The following TPRG1 variants were observed in gnomAD, a reference collection of about 807,000 sequenced individuals.
TPRG1 encodes tumor protein p63-regulated gene 1 protein.
In TPRG1, 29 loss-of-function variants were observed where a neutral mutation model predicts 29.3. The ratio of observed to expected loss-of-function variants is 0.99; its 90% CI spans 0.74 to 1.35. TPRG1 has a LOEUF of 1.35. Ranked by LOEUF, TPRG1 falls within the 40% of genes most tolerant of loss-of-function variation. TPRG1 has a pLI of 0.00. For synonymous variants in TPRG1, 130 were observed against 116.8 expected, an observed-to-expected ratio of 1.11 and a Z score of -0.73; for missense variants, 327 against 335.0, an observed-to-expected ratio of 0.98 and a Z score of 0.19.
chr3:189,048,501 TGA>T (rs1715108577), intron 4 of TPRG1, among the ~76,000 whole-genome samples: 1 of 152,176 alleles, frequency 6.6e-6, no homozygotes, highest in Non-Finnish European at 1.5e-5. Flanking sequence ...CCTAAAAAGA[TGA>T]GTCAGCCTAT....
chr3:189,045,122 TATTTTTAATCA>T (rs1714893849), intron 4 of TPRG1, among the ~76,000 whole-genome samples: 1 of 152,252 alleles, frequency 6.6e-6, no homozygotes, highest in African/African-American at 2.4e-5. Context: ...GGTTAAGGTC[TATTTTTAATCA>T]ATGCTCATAT....
At chr3:189,119,062 G>A (rs370864443) in intron 1 of TPRG1, among the ~76,000 whole-genome samples, 6 of 152,250 alleles carry the variant, frequency 3.9e-5, no homozygotes, top group African/African-American at 1.2e-4. Flanking sequence ...CAGCTGTTAG[G>A]GGGGTTGAGC....
intron 4 of TPRG1, among the ~76,000 whole-genome samples, chr3:189,051,624 C>T (rs1442308327): frequency 1.3e-5 from 2 of 152,018 alleles, no homozygotes; most frequent in Non-Finnish European, 2.9e-5. Context: ...CAAAAAAGAG[C>T]TCACATAGCC....
intron 4 of TPRG1, among the ~76,000 whole-genome samples, chr3:189,269,012 G>T (rs1480616170): frequency 1.3e-5 from 2 of 151,782 alleles, no homozygotes; most frequent in African/African-American, 4.8e-5. Context: ...CAGAAAATGG[G>T]ATATTAAGAC....
intron 4 of TPRG1, among the ~76,000 whole-genome samples, chr3:189,282,123 C>T (rs925520968): frequency 1.3e-5 from 2 of 150,506 alleles, no homozygotes; most frequent in East Asian, 1.9e-4. Context: ...TCAGGCAATC[C>T]GCCCGCCTTG....
At chr3:189,162,187 G>A (rs2108634103) in intron 5 of TPRG1, among the ~76,000 whole-genome samples, 1 of 152,096 alleles carries the variant, frequency 6.6e-6, no homozygotes, top group African/African-American at 2.4e-5. Flanking sequence ...GTAGAGAGAG[G>A]GTTTCACCAT....
At chr3:189,249,770 T>A (rs1183617469) in intron 4 of TPRG1, among the ~76,000 whole-genome samples, 2 of 152,056 alleles carry the variant, frequency 1.3e-5, no homozygotes, top group Non-Finnish European at 2.9e-5. Context: ...CTCCCTGATA[T>A]AAACAGGGAG....
At chr3:189,299,075 A>AT (rs1321743272) in intron 4 of TPRG1, among the ~76,000 whole-genome samples, 337 of 144,674 alleles carry the variant, frequency 2.3e-3, no homozygotes, top group African/African-American at 6.5e-3. Context: ...TTTTCTGAGA[A>AT]TTTTTTTTTT....
chr3:189,065,050 G>A (rs1480957506), intron 4 of TPRG1, among the ~76,000 whole-genome samples: 1 of 152,048 alleles, frequency 6.6e-6, no homozygotes, highest in Non-Finnish European at 1.5e-5. Flanking sequence ...TTAGCTGTAT[G>A]TGTTGGCGCA....
chr3:189,187,372 T>G (rs1210930008), intron 1 of TPRG1, among the ~76,000 whole-genome samples: 2 of 152,142 alleles, frequency 1.3e-5, no homozygotes, highest in East Asian at 3.9e-4. Context: ...AGTGACACGG[T>G]ATTGGCTCAC....
chr3:189,292,995 TG>T (rs1719272237), intron 4 of TPRG1, among the ~76,000 whole-genome samples: 1 of 152,194 alleles, frequency 6.6e-6, no homozygotes, highest in Non-Finnish European at 1.5e-5. Flanking sequence ...GTGCTTGTTT[TG>T]GCCCTTGTTT....
chr3:189,081,547 A>G (rs1717593983), intron 4 of TPRG1, among the ~76,000 whole-genome samples: 1 of 152,234 alleles, frequency 6.6e-6, no homozygotes, highest in Non-Finnish European at 1.5e-5. Flanking sequence ...GAAGAAAAAA[A>G]GTATGGTCAC....
At chr3:189,287,572 T>C (rs561783134) in intron 4 of TPRG1, among the ~76,000 whole-genome samples, 3 of 152,158 alleles carry the variant, frequency 2.0e-5, no homozygotes, top group South Asian at 2.1e-4. Flanking sequence ...TAATTTTTTG[T>C]ATTTTTAGTA....
At chr3:189,166,678 C>G (rs1448948493) in intron 5 of TPRG1, among the ~76,000 whole-genome samples, 1 of 152,188 alleles carries the variant, frequency 6.6e-6, no homozygotes, top group Admixed American at 6.5e-5. Context: ...TTATCACTAG[C>G]TCTTCGTTTG....
At chr3:189,021,613 A>T (rs1202935814) in intron 3 of TPRG1, among the ~76,000 whole-genome samples, 2 of 152,136 alleles carry the variant, frequency 1.3e-5, no homozygotes, top group East Asian at 1.9e-4. Context: ...TGTTAGTCTG[A>T]TGGGCTTCCC....
At chr3:189,013,695 G>T (rs979947135) in intron 3 of TPRG1, among the ~76,000 whole-genome samples, 1 of 152,136 alleles carries the variant, frequency 6.6e-6, no homozygotes, top group Non-Finnish European at 1.5e-5. Context: ...TTATGAATCT[G>T]GGTGCTCCTG....
intron 4 of TPRG1, among the ~76,000 whole-genome samples, chr3:189,280,017 C>T (rs955749759): frequency 8.5e-5 from 13 of 152,196 alleles, no homozygotes; most frequent in Admixed American, 7.2e-4. Context: ...TTGGTAGCCA[C>T]TTCCCATTAT....
chr3:189,267,121 G>A (rs1374590782), intron 4 of TPRG1, among the ~76,000 whole-genome samples: 1 of 152,094 alleles, frequency 6.6e-6, no homozygotes, highest in East Asian at 1.9e-4. Flanking sequence ...ATGTTTAGAT[G>A]TATTTAGATA....
At chr3:189,082,690 C>G (rs181136293) in intron 4 of TPRG1, among the ~76,000 whole-genome samples, 1 of 152,120 alleles carries the variant, frequency 6.6e-6, no homozygotes, top group Non-Finnish European at 1.5e-5. Context: ...TTACAATTTA[C>G]CTTGAATTTC....
Sources: gnomAD v4.1 joint callset for allele counts (sites outside exome capture counted in the v4.1 genomes callset) on GRCh38, gnomAD v4.1.1 for gene constraint, MANE v1.5 for transcripts, NCBI Gene and HGNC (gene_info 2026-07-23, HGNC 2026-07-21) for gene names.